The following FTO variants were observed in gnomAD, a reference collection of about 807,000 sequenced individuals.
FTO encodes the protein alpha-ketoglutarate-dependent dioxygenase FTO.
Under a neutral mutation model 63.9 loss-of-function variants are expected in FTO, and 47 were observed. The observed-to-expected ratio is 0.74, with a 90% CI of 0.58 to 0.94. The LOEUF is 0.94. FTO is among the 40% of genes least tolerant of loss of function. The probability of loss-of-function intolerance (pLI) is 0.00; values close to 1 mark genes in which losing one functional copy is unlikely to be tolerated. For synonymous variants in FTO, 207 were observed against 224.4 expected, an observed-to-expected ratio of 0.92 and a Z score of 0.69; for missense variants, 562 against 618.1, an observed-to-expected ratio of 0.91 and a Z score of 0.96.
At chr16:53,825,715 T>G (rs2078986613) in intron 2 of FTO, 149 bp from the exon 3 acceptor site, 1 of 815,832 alleles carries the variant, frequency 1.2e-6, no homozygotes, top group African/African-American at 1.7e-5. Context: ...GTTTTCTGTT[T>G]TGGGCTAGGA....
chr16:53,737,697 A>G (rs2076421486), intron 1 of FTO, among the ~76,000 whole-genome samples: 1 of 152,150 alleles, frequency 6.6e-6, no homozygotes, highest in Admixed American at 6.5e-5. Context: ...TTTTGCCTGT[A>G]TAGTGCCCTC....
chr16:53,704,854 T>C (rs1020554604), intron 1 of FTO, among the ~76,000 whole-genome samples: 1 of 152,210 alleles, frequency 6.6e-6, no homozygotes, highest in African/African-American at 2.4e-5. Context: ...TTCATATCAT[T>C]GTCACAGCAG....
At chr16:53,890,912 A>G (rs1273185035) in intron 7 of FTO, among the ~76,000 whole-genome samples, 1 of 152,166 alleles carries the variant, frequency 6.6e-6, no homozygotes, top group African/African-American at 2.4e-5. Context: ...TGGCTCTAAG[A>G]CATCAGCTTG....
At chr16:54,010,191 A>T (rs553972853) in intron 8 of FTO, among the ~76,000 whole-genome samples, 1 of 152,224 alleles carries the variant, frequency 6.6e-6, no homozygotes, top group Admixed American at 6.5e-5. Flanking sequence ...AGGCAGGAGG[A>T]TCACTGGAGG....
chr16:53,938,966 C>T (rs1347666226), intron 8 of FTO, among the ~76,000 whole-genome samples: 5 of 151,164 alleles, frequency 3.3e-5, no homozygotes, highest in African/African-American at 1.2e-4. Context: ...GGCTTGGTGG[C>T]GGGTGCCTGT....
chr16:54,018,371 TTAGATAGATAGATGATAGA>T (rs36231406), intron 8 of FTO, among the ~76,000 whole-genome samples: 53,155 of 138,760 alleles, frequency 0.38, 12,384 homozygotes, highest in African/African-American at 0.67. Flanking sequence ...TGGTTATAGC[TTAGATAGATAGATGATAGA>T]TAGATAGATA....
At chr16:53,767,642 G>A (rs1469186435) in intron 1 of FTO, among the ~76,000 whole-genome samples, 1 of 151,332 alleles carries the variant, frequency 6.6e-6, no homozygotes, top group African/African-American at 2.4e-5. Flanking sequence ...TAAGCCCATG[G>A]GACTCTTCAA....
chr16:53,706,403 G>A (rs2075621165), intron 1 of FTO, among the ~76,000 whole-genome samples: 2 of 152,062 alleles, frequency 1.3e-5, no homozygotes, highest in South Asian at 4.2e-4. Flanking sequence ...TCTCTCCTAA[G>A]TTCCCTCTCG....
At position 53,911,578 on chromosome 16, in the gene FTO, T is replaced by G. The variant is rs1598971488; in HGVS notation, c.1240-22407T>G. On this transcript the variant is annotated intron_variant, in intron 7 of 8. Coordinates refer to ENST00000471389, the MANE Select transcript of FTO (RefSeq NM_001080432.3). ...AGGAGACATTTCTCAGAAACCATTC[T>G]GTGTGGCACTGATGTTTACAGGTCA... is the stretch of plus-strand genomic sequence containing the variant. 5.9e-6 allele frequency: 4 copies of G among 675,590 alleles called. No individual in the cohort carries two copies. The East Asian group carries it at 1.1e-4, about 18-fold the overall frequency. 41.8% of individuals were successfully genotyped at this position (675,590 alleles called of 1,614,324 possible). A position where few individuals can be genotyped will look rare whatever the true frequency, so the allele number is the denominator to read the frequency against.
At chr16:54,071,338 G>A (rs1458421416) in intron 8 of FTO, 1 of 152,168 alleles carries the variant, frequency 6.6e-6, no homozygotes, top group African/African-American at 2.4e-5. Context: ...GTCAGGAGTG[G>A]GACCAAAATC....
intron 7 of FTO, among the ~76,000 whole-genome samples, chr16:53,931,881 C>T (rs986648025): frequency 6.6e-6 from 1 of 150,492 alleles, no homozygotes; most frequent in Non-Finnish European, 1.5e-5. Flanking sequence ...AACACACACA[C>T]ACACACACAC....
intron 8 of FTO, among the ~76,000 whole-genome samples, chr16:54,000,588 T>G (rs909408084): frequency 6.6e-6 from 1 of 152,190 alleles, no homozygotes; most frequent in Admixed American, 6.5e-5. Context: ...GTTTCCACAG[T>G]GTCTCTAGGG....
At chr16:53,907,229 C>A (rs930174466) in intron 7 of FTO, among the ~76,000 whole-genome samples, 4 of 152,174 alleles carry the variant, frequency 2.6e-5, no homozygotes, top group Non-Finnish European at 5.9e-5. Context: ...ACCTAACCTA[C>A]CCAACATCAT....
At chr16:54,059,940 T>C (rs2085530835) in intron 8 of FTO, among the ~76,000 whole-genome samples, 1 of 152,172 alleles carries the variant, frequency 6.6e-6, no homozygotes, top group Non-Finnish European at 1.5e-5. Flanking sequence ...GGTGCTTCAG[T>C]ACAAAATAAA....
intron 1 of FTO, among the ~76,000 whole-genome samples, chr16:53,719,802 G>A (rs1036911995): frequency 6.6e-6 from 1 of 151,476 alleles, no homozygotes; most frequent in Non-Finnish European, 1.5e-5. Context: ...GTTTAATATG[G>A]AAAGTATTTC....
At chr16:53,968,995 AT>A (rs1338130802) in intron 8 of FTO, among the ~76,000 whole-genome samples, 5 of 152,098 alleles carry the variant, frequency 3.3e-5, no homozygotes, top group Non-Finnish European at 7.4e-5. Context: ...AAAAGTTATT[AT>A]TTTCCTCTCT....
chr16:54,090,999 A>T (rs1299336559), intron 8 of FTO, among the ~76,000 whole-genome samples: 1 of 152,192 alleles, frequency 6.6e-6, no homozygotes, highest in Non-Finnish European at 1.5e-5. Context: ...AGAATACAAA[A>T]GCAGAAACTG....
At chr16:53,975,876 A>G (rs2083426692) in intron 8 of FTO, among the ~76,000 whole-genome samples, 1 of 152,176 alleles carries the variant, frequency 6.6e-6, no homozygotes, top group South Asian at 2.1e-4. Context: ...TACTGATTAT[A>G]GCAACCCTAT....
chr16:53,737,078 A>T (rs2076406033), intron 1 of FTO, among the ~76,000 whole-genome samples: 1 of 152,204 alleles, frequency 6.6e-6, no homozygotes, highest in African/African-American at 2.4e-5. Context: ...CTTGGAAGGC[A>T]GGAACCCTGT....
Sources: allele counts gnomAD v4.1 joint callset (sites outside exome capture counted in the v4.1 genomes callset), GRCh38; gene constraint gnomAD v4.1.1; transcripts MANE v1.5; gene names NCBI Gene and HGNC (gene_info 2026-07-23, HGNC 2026-07-21).